The following OSTN variants were observed in gnomAD, a reference collection of about 807,000 sequenced individuals.
OSTN encodes osteocrin.
Under a neutral mutation model 12.0 loss-of-function variants are expected in OSTN, and 9 were observed. The observed-to-expected ratio is 0.75, with a 90% CI of 0.45 to 1.30. OSTN has a LOEUF of 1.30. OSTN is among the 50% of genes most tolerant of loss of function. OSTN has a pLI of 0.00. For synonymous variants in OSTN, 59 were observed against 56.9 expected, an observed-to-expected ratio of 1.04 and a Z score of -0.16; for missense variants, 148 against 152.3, an observed-to-expected ratio of 0.97 and a Z score of 0.15.
chr3:191,237,823 G>A (rs893565253), intron 3 of OSTN, among the ~76,000 whole-genome samples: 2 of 152,082 alleles, frequency 1.3e-5, no homozygotes, highest in East Asian at 1.9e-4. Flanking sequence ...CATCACCTAT[G>A]GTCACCTGAC....
intron 4 of OSTN, among the ~76,000 whole-genome samples, chr3:191,256,795 AT>A (rs1715680610): frequency 6.6e-6 from 1 of 152,090 alleles, no homozygotes; most frequent in Non-Finnish European, 1.5e-5. Context: ...AATCCATACA[AT>A]TTCAGTTTTA....
intron 3 of OSTN, among the ~76,000 whole-genome samples, chr3:191,244,965 A>T (rs1715397761): frequency 6.6e-6 from 1 of 152,154 alleles, no homozygotes; most frequent in Admixed American, 6.5e-5. Context: ...TTTTCACTTA[A>T]ACTCTGCTCT....
At chr3:191,232,555 G>T (rs1379234284) in intron 3 of OSTN, among the ~76,000 whole-genome samples, 1 of 149,286 alleles carries the variant, frequency 6.7e-6, no homozygotes, top group East Asian at 1.9e-4. Flanking sequence ...TATTTTTTGA[G>T]ATGGAGTCTC....
At chr3:191,200,857 A>G (rs1159824022) in intron 1 of OSTN, among the ~76,000 whole-genome samples, 1 of 152,166 alleles carries the variant, frequency 6.6e-6, no homozygotes, top group Middle Eastern at 3.2e-3. Context: ...TAGATTCAAT[A>G]GTTCAGTCAG....
At chr3:191,208,781 T>C (rs747859886) in intron 1 of OSTN, among the ~76,000 whole-genome samples, 1 of 152,278 alleles carries the variant, frequency 6.6e-6, no homozygotes, top group Non-Finnish European at 1.5e-5. Context: ...ATTTGAAACC[T>C]ATTTTTATGA....
At chr3:191,204,148 C>T (rs1398879950) in intron 1 of OSTN, among the ~76,000 whole-genome samples, 1 of 152,164 alleles carries the variant, frequency 6.6e-6, no homozygotes, top group African/African-American at 2.4e-5. Flanking sequence ...CCTCGGCATC[C>T]CAAAGTGCTG....
chr3:191,248,678 G>A (rs1248780204), intron 3 of OSTN, among the ~76,000 whole-genome samples: 3 of 152,146 alleles, frequency 2.0e-5, no homozygotes, highest in African/African-American at 7.2e-5. Context: ...CAGGCATGGT[G>A]GCTCATACCT....
At chr3:191,205,443 A>AAAAAT (rs753521689) in intron 1 of OSTN, among the ~76,000 whole-genome samples, 1 of 149,090 alleles carries the variant, frequency 6.7e-6, no homozygotes, top group East Asian at 2.1e-4. Context: ...AGTAAAAAAA[A>AAAAAT]ATATATATAT....
At chr3:191,233,341 C>T (rs1455683013) in intron 3 of OSTN, among the ~76,000 whole-genome samples, 4 of 152,132 alleles carry the variant, frequency 2.6e-5, no homozygotes, top group Admixed American at 6.6e-5. Flanking sequence ...TTCAATTCTC[C>T]GGGCAACACT....
intron 3 of OSTN, among the ~76,000 whole-genome samples, chr3:191,220,498 G>T (rs1377078591): frequency 1.3e-5 from 2 of 152,134 alleles, no homozygotes; most frequent in Non-Finnish European, 2.9e-5. Flanking sequence ...TACAAGAAAT[G>T]ATGAAGAGAA....
intron 3 of OSTN, among the ~76,000 whole-genome samples, chr3:191,235,157 C>A (rs1418525159): frequency 6.6e-6 from 1 of 152,192 alleles, no homozygotes; most frequent in African/African-American, 2.4e-5. Context: ...TTGTTCCCTA[C>A]CCCTTGAGTA....
At chr3:191,212,489 A>G (rs769272247) in intron 1 of OSTN, 44 bp from the exon 2 acceptor site, 4 of 1,346,682 alleles carry the variant, frequency 3.0e-6, no homozygotes, top group Non-Finnish European at 3.1e-6. Context: ...TTGTCTTTAC[A>G]TTCCAAACGA....
intron 3 of OSTN, among the ~76,000 whole-genome samples, chr3:191,246,472 G>A (rs979839048): frequency 6.6e-6 from 1 of 151,936 alleles, no homozygotes; most frequent in African/African-American, 2.4e-5. Flanking sequence ...CAGGCATGGT[G>A]GCACGCACCT....
intron 1 of OSTN, among the ~76,000 whole-genome samples, chr3:191,202,487 T>C (rs1358453470): frequency 6.6e-6 from 1 of 152,212 alleles, no homozygotes; most frequent in African/African-American, 2.4e-5. Flanking sequence ...ATCCTGTTTT[T>C]GAGTAGTATA....
chr3:191,203,153 G>A (rs981373069), intron 1 of OSTN, among the ~76,000 whole-genome samples: 8 of 152,076 alleles, frequency 5.3e-5, no homozygotes, highest in African/African-American at 7.2e-5. Context: ...CTTGGTTTTC[G>A]TATCAAGAAA....
At chr3:191,201,279 T>C (rs1459460966) in intron 1 of OSTN, among the ~76,000 whole-genome samples, 1 of 151,986 alleles carries the variant, frequency 6.6e-6, no homozygotes, top group Non-Finnish European at 1.5e-5. Context: ...TCTCTCTTCC[T>C]CTTCAACAAT....
At chr3:191,204,165 C>T (rs1175755787) in intron 1 of OSTN, among the ~76,000 whole-genome samples, 1 of 152,224 alleles carries the variant, frequency 6.6e-6, no homozygotes, top group East Asian at 1.9e-4. Context: ...GCTGGGATCA[C>T]AGGCGTGAGC....
intron 4 of OSTN, among the ~76,000 whole-genome samples, chr3:191,259,878 CAG>C (rs1715766384): frequency 7.7e-6 from 1 of 129,794 alleles, no homozygotes; most frequent in South Asian, 2.5e-4. Flanking sequence ...TTTCTTGAGA[CAG>C]AGTCTCACTC....
intron 1 of OSTN, among the ~76,000 whole-genome samples, chr3:191,203,467 G>A (rs1188909926): frequency 1.3e-5 from 2 of 151,600 alleles, no homozygotes; most frequent in Admixed American, 6.6e-5. Flanking sequence ...TCCAAATAGA[G>A]GAAAAAAACA....
Sources: allele counts gnomAD v4.1 joint callset (sites outside exome capture counted in the v4.1 genomes callset), GRCh38; gene constraint gnomAD v4.1.1; transcripts MANE v1.5; gene names NCBI Gene and HGNC (gene_info 2026-07-23, HGNC 2026-07-21).